The following UBN2 variants were observed in gnomAD, a reference collection of about 807,000 sequenced individuals.
UBN2 encodes the protein ubinuclein 2, also known as ubinuclein-2.
In UBN2, 35 loss-of-function variants were observed where a neutral mutation model predicts 120.2. The ratio of observed to expected loss-of-function variants is 0.29; its 90% CI spans 0.22 to 0.39. The LOEUF (loss-of-function observed/expected upper bound fraction) is 0.39, where lower values mean the gene tolerates loss of function less well. UBN2 is among the 10% of genes least tolerant of loss of function. The pLI is 1.00. For missense variants in UBN2, 1,693 were observed against 1,663.2 expected (o/e 1.02, Z -0.31); for synonymous variants, 661 against 648.7 (o/e 1.02, Z -0.29).
At chr7:139,239,543 TAG>T (rs1369223077) in intron 2 of UBN2, among the ~76,000 whole-genome samples, 3 of 149,554 alleles carry the variant, frequency 2.0e-5, no homozygotes, top group Non-Finnish European at 4.4e-5. Context: ...ATCACTATAT[TAG>T]AGTGTCTTTT....
chr7:139,244,073 C>T (rs1488795208), intron 2 of UBN2, among the ~76,000 whole-genome samples: 1 of 152,188 alleles, frequency 6.6e-6, no homozygotes, highest in South Asian at 2.1e-4. Flanking sequence ...AAATCTCCTT[C>T]CTACCCCTGA....
At chr7:139,309,353 T>C (rs977334086), downstream of UBN2, among the ~76,000 whole-genome samples, 1 of 152,078 alleles carries the variant, frequency 6.6e-6, no homozygotes, top group Non-Finnish European at 1.5e-5. Flanking sequence ...CCTCATACAT[T>C]AGGGGATGAG....
intron 2 of UBN2, among the ~76,000 whole-genome samples, chr7:139,246,954 G>A (rs376305893): frequency 7.9e-5 from 12 of 151,912 alleles, no homozygotes; most frequent in Non-Finnish European, 1.3e-4. Flanking sequence ...TTGTTTATCC[G>A]TCCACCAGAT....
At chr7:139,233,931 C>T (rs1232656452) in intron 1 of UBN2, among the ~76,000 whole-genome samples, 1 of 151,790 alleles carries the variant, frequency 6.6e-6, no homozygotes, top group African/African-American at 2.4e-5. Flanking sequence ...CCAATTATCT[C>T]GTATATCAAC....
the UBN2 span, among the ~76,000 whole-genome samples, chr7:139,322,167 T>C: frequency 6.6e-6 from 1 of 152,060 alleles, no homozygotes; most frequent in Non-Finnish European, 1.5e-5. Flanking sequence ...AGAGATGGGG[T>C]TTCACCCTGT....
At chr7:139,322,574 C>T in the UBN2 span, among the ~76,000 whole-genome samples, 5 of 147,500 alleles carry the variant, frequency 3.4e-5, no homozygotes, top group East Asian at 2.0e-4. Flanking sequence ...AATGGGGAGA[C>T]GTTTCATTGG....
chr7:139,314,960 T>C, the UBN2 span, among the ~76,000 whole-genome samples: 1 of 150,572 alleles, frequency 6.6e-6, no homozygotes, highest in East Asian at 1.9e-4. Flanking sequence ...ATCTTTTTGA[T>C]ATAATAATAA....
At chr7:139,253,544 T>G (rs1053200854) in intron 3 of UBN2, among the ~76,000 whole-genome samples, 1 of 152,230 alleles carries the variant, frequency 6.6e-6, no homozygotes, top group African/African-American at 2.4e-5. Context: ...CTGCCATGCC[T>G]TATTACCAGG....
chr7:139,267,503 C>T (rs1433356808), intron 7 of UBN2, among the ~76,000 whole-genome samples: 2 of 150,570 alleles, frequency 1.3e-5, no homozygotes, highest in Non-Finnish European at 3.0e-5. Flanking sequence ...GCCACTGTAC[C>T]CCAACCTGGG....
At chr7:139,313,078 G>A (rs543667542), downstream of UBN2, among the ~76,000 whole-genome samples, 294 of 151,842 alleles carry the variant, frequency 1.9e-3, 1 homozygote, top group African/African-American at 6.7e-3. Flanking sequence ...GAGAGTCCCC[G>A]TCTTTGTTAC....
chr7:139,245,587 A>G (rs1000918163), intron 2 of UBN2, among the ~76,000 whole-genome samples: 9 of 152,236 alleles, frequency 5.9e-5, no homozygotes, highest in Non-Finnish European at 8.8e-5. Flanking sequence ...TTGCACTTCT[A>G]CATATATCTG....
At chr7:139,282,773 G>C (rs1378813010) in intron 14 of UBN2, among the ~76,000 whole-genome samples, 1 of 152,094 alleles carries the variant, frequency 6.6e-6, no homozygotes. Context: ...AATGTAACTA[G>C]TATATGAATG....
Position 139,240,448 on chromosome 7 carries a change from A to ATTT in UBN2, c.561+3352_561+3353insTTT, listed in dbSNP as rs1185592679. Among the ~76,000 whole-genome samples the ATTT allele has an allele frequency of 1.7e-4, 6 of 35,562 alleles. No homozygotes were observed. The South Asian group carries it at 7.8e-3, about 46-fold the overall frequency. 23.3% of individuals were successfully genotyped at this position (35,562 alleles called of 152,430 possible). A position where few individuals can be genotyped will look rare whatever the true frequency, so the allele number is the denominator to read the frequency against. On this transcript the variant is annotated intron_variant, in intron 2 of 17. Transcript: ENST00000473989. ...AGCCTAAATATATATATATATATAT[A>ATTT]TATATATTTTTTTTTTTAAATAATT...
At chr7:139,236,086 GT>G (rs1032985865) in intron 1 of UBN2, among the ~76,000 whole-genome samples, 1 of 151,966 alleles carries the variant, frequency 6.6e-6, no homozygotes, top group Non-Finnish European at 1.5e-5. Context: ...CCTTGTTTTG[GT>G]TTTTTTGTGC....
chr7:139,330,074 A>G, the UBN2 span, among the ~76,000 whole-genome samples: 1 of 152,084 alleles, frequency 6.6e-6, no homozygotes, highest in Non-Finnish European at 1.5e-5. Flanking sequence ...ATCTCCCCCT[A>G]AGAAAATCCC....
rs1266792061 is a variant in UBN2, at chr7:139,303,061, A to G, written c.*5225A>G. 6.6e-6 allele frequency: 1 copy of G among 152,236 alleles called. No homozygotes were observed. Among genetic ancestry groups the G allele is most frequent in the African/African-American group, 2.4e-5 (1 of 41,450 alleles). The allele number at this position is 152,236 out of a possible 1,614,324, so 9.4% of individuals were successfully genotyped here. ...AAAAATGTATCATATTTTCTTCTGG[A>G]AAATGATTTTTGAAGAAATCATATA... On this transcript the variant is annotated 3_prime_UTR_variant, in exon 18 of 18. Transcript: ENST00000473989.
At chr7:139,318,643 G>A in the UBN2 span, among the ~76,000 whole-genome samples, 2 of 152,030 alleles carry the variant, frequency 1.3e-5, no homozygotes, top group African/African-American at 2.4e-5. Context: ...CTACAGGTGC[G>A]TGCCACCATA....
chr7:139,313,145 A>C (rs1798469504), downstream of UBN2, among the ~76,000 whole-genome samples: 1 of 152,154 alleles, frequency 6.6e-6, no homozygotes, highest in Non-Finnish European at 1.5e-5. Context: ...TTTTAGAATA[A>C]AATTTTCCAC....
chr7:139,256,106 C>T (rs1401302216), intron 3 of UBN2, among the ~76,000 whole-genome samples: 1 of 152,172 alleles, frequency 6.6e-6, no homozygotes, highest in African/African-American at 2.4e-5. Flanking sequence ...ACTGAAATGA[C>T]TGAACTAAAT....
Sources: allele counts gnomAD v4.1 joint callset (sites outside exome capture counted in the v4.1 genomes callset), GRCh38; gene constraint gnomAD v4.1.1; transcripts MANE v1.5; gene names NCBI Gene and HGNC (gene_info 2026-07-23, HGNC 2026-07-21).